AGK: variants seen among roughly 807,000 people sequenced by gnomAD.
The protein encoded by AGK is acylglycerol kinase, mitochondrial.
In AGK, 52 loss-of-function variants were observed where a neutral mutation model predicts 66.4. The ratio of observed to expected loss-of-function variants is 0.78; its 90% CI spans 0.63 to 0.99. The LOEUF (loss-of-function observed/expected upper bound fraction) is 0.99. AGK is among the 50% of genes least tolerant of loss of function. The probability of loss-of-function intolerance (pLI) is 0.00; values close to 1 mark genes in which losing one functional copy is unlikely to be tolerated. For missense variants in AGK, 451 were observed against 506.6 expected, an observed-to-expected ratio of 0.89 and a Z score of 1.05; for synonymous variants, 182 against 181.1, an observed-to-expected ratio of 1.00 and a Z score of -0.04.
At chr7:141,629,437 G>GC (rs1028594826) in intron 9 of AGK, among the ~76,000 whole-genome samples, 78 of 152,138 alleles carry the variant, frequency 5.1e-4, no homozygotes, top group African/African-American at 1.7e-3. Flanking sequence ...AAATTTGACT[G>GC]CCTACCCAGA....
intron 2 of AGK, among the ~76,000 whole-genome samples, chr7:141,560,403 TTTC>T (rs200173615): frequency 0.011 from 1,631 of 152,122 alleles, 23 homozygotes; most frequent in African/African-American, 0.037. Context: ...TTGTCCTTTC[TTTC>T]TTCTTCTTCT....
chr7:141,652,950 C>A lies in AGK; in HGVS notation c.*26C>A. 6.2e-7 allele frequency: 1 copy of A among 1,612,924 alleles called. No homozygotes were observed. The highest frequency in any genetic ancestry group is 8.5e-7 in the Non-Finnish European group (1 of 1,179,634). ...GCAGCAGAAGACAAGCACTCTGAGA[C>A]CACACTTTAGGCCACCGGTGGGACC... On this transcript the variant is annotated 3_prime_UTR_variant, in exon 16 of 16. Coordinates refer to ENST00000649286, the MANE Select transcript of AGK (RefSeq NM_018238.4).
rs116210375 is a variant in AGK at position 141,558,500 on chromosome 7, G to A, written c.101+2933G>A. Among the ~76,000 whole-genome samples, 1,350 of 152,164 alleles carry A rather than the reference G, an allele frequency of 8.9e-3. 21 individuals are homozygous for A. Among genetic ancestry groups the A allele is most frequent in the African/African-American group, 0.031 (1,284 of 41,508 alleles). ...CTAAATGTAAAGATATATTCTTTAC[G>A]TTTAAAGAGGTATGGTCTTTACATC... On this transcript the variant is annotated intron_variant, in intron 2 of 15. Coordinates refer to ENST00000649286, the MANE Select transcript of AGK (RefSeq NM_018238.4).
chr7:141,649,151 G>A (rs1797489563), intron 13 of AGK, 112 bp from the exon 14 acceptor site: 1 of 527,084 alleles, frequency 1.9e-6, no homozygotes, highest in Admixed American at 3.3e-5. Context: ...TACAAGTAGA[G>A]TCCCCTATCT....
At chr7:141,611,054 A>T (rs1796575586) in intron 5 of AGK, 141 bp from the exon 6 acceptor site, 1 of 537,834 alleles carries the variant, frequency 1.9e-6, no homozygotes, top group Admixed American at 3.5e-5. Context: ...TTTGATAGCT[A>T]TTTTTTTCAT....
chr7:141,637,851 A>T (rs1301337380), intron 11 of AGK, among the ~76,000 whole-genome samples: 1 of 152,178 alleles, frequency 6.6e-6, no homozygotes, highest in African/African-American at 2.4e-5. Context: ...TGGCTGGATT[A>T]AAAAATTAAA....
intron 2 of AGK, among the ~76,000 whole-genome samples, chr7:141,582,199 C>T (rs989290480): frequency 1.3e-5 from 2 of 151,962 alleles, no homozygotes; most frequent in Non-Finnish European, 2.9e-5. Flanking sequence ...AGGAGGAATC[C>T]CGGGCTGCGG....
intron 2 of AGK, among the ~76,000 whole-genome samples, chr7:141,566,816 C>G (rs1188713679): frequency 6.6e-6 from 1 of 152,138 alleles, no homozygotes; most frequent in Non-Finnish European, 1.5e-5. Context: ...TTCAGTTTCT[C>G]TCTCCCCTAT....
Position 141,555,438 on chromosome 7 carries a change from C to A in AGK, c.-14-15C>A. On this transcript the variant is annotated splice_polypyrimidine_tract_variant and intron_variant, in intron 1 of 15. Coordinates refer to ENST00000649286, the MANE Select transcript of AGK (RefSeq NM_018238.4). The surrounding 1 kb of genome is among the most constrained non-coding windows in gnomAD (Gnocchi z 4.2). ...TAAATTATATTTTTTTCTCTTTCCG[C>A]CTCTACTAACCTAGCAAATCTCTAG... The A allele has an allele frequency of 1.9e-6, 3 of 1,557,816 alleles. No individual in the cohort carries two copies. Among genetic ancestry groups the A allele is most frequent in the South Asian group, 2.3e-5 (2 of 88,844 alleles).
intron 15 of AGK, chr7:141,652,364 G>A (rs1348566018): frequency 6.4e-6 from 1 of 156,426 alleles, no homozygotes; most frequent in Admixed American, 6.2e-5. Context: ...AAATGATCCA[G>A]CAGATACAAT....
rs1011070432 is a variant in AGK, at chr7:141,604,460, A to AGAAATAAT, written c.297+3182_297+3189dup. ...TCTGGCTTGTTTGAGAGTAAGTTTC[A>AGAAATAAT]GAAATAATGTTCCTTTATCTCTAAA... On this transcript the variant is annotated intron_variant, in intron 5 of 15. Transcript: ENST00000649286. 3.4e-5 allele frequency among the ~76,000 whole-genome samples: 5 copies of AGAAATAAT among 149,226 alleles called. No homozygotes were observed. In the Admixed American group the frequency reaches 3.4e-4, roughly 10 times the overall value.
chr7:141,575,731 T>C (rs1795722878), intron 2 of AGK, among the ~76,000 whole-genome samples: 1 of 120,296 alleles, frequency 8.3e-6, no homozygotes, highest in Non-Finnish European at 1.6e-5. Context: ...AAAATAAAAA[T>C]AATTATAGTA....
At chr7:141,632,315 C>G (rs926564790) in intron 9 of AGK, among the ~76,000 whole-genome samples, 1 of 151,806 alleles carries the variant, frequency 6.6e-6, no homozygotes, top group African/African-American at 2.4e-5. Flanking sequence ...TCATCCCACT[C>G]TCTCTGCTTT....
chr7:141,623,389 A>AAAGAAAAAAAAAAG, intron 9 of AGK, among the ~76,000 whole-genome samples: 6 of 150,732 alleles, frequency 4.0e-5, no homozygotes, highest in African/African-American at 1.5e-4. Flanking sequence ...CAAAAAAAAA[A>AAAGAAAAAAAAAAG]AAAGAAAAAA....
chr7:141,576,908 C>G (rs554364893), intron 2 of AGK, among the ~76,000 whole-genome samples: 3 of 151,926 alleles, frequency 2.0e-5, no homozygotes, highest in African/African-American at 7.2e-5. Flanking sequence ...GGTGTGGTGG[C>G]GGGCACCTGT....
chr7:141,652,958 T>TAG lies in AGK; in HGVS notation c.*35_*36dup, dbSNP rs760596860. ...AGACAAGCACTCTGAGACCACACTT[T>TAG]AGGCCACCGGTGGGACCAAAAGGGA... On this transcript the variant is annotated 3_prime_UTR_variant, in exon 16 of 16. Coordinates refer to ENST00000649286, the MANE Select transcript of AGK (RefSeq NM_018238.4). The TAG allele has an allele frequency of 7.4e-6, 12 of 1,612,032 alleles. No individual in the cohort carries two copies. Among genetic ancestry groups the TAG allele is most frequent in the Non-Finnish European group, 1.0e-5 (12 of 1,179,362 alleles).
At chr7:141,640,275 C>A (rs960881945) in intron 11 of AGK, among the ~76,000 whole-genome samples, 1 of 152,014 alleles carries the variant, frequency 6.6e-6, no homozygotes, top group Non-Finnish European at 1.5e-5. Flanking sequence ...GCAGAGACCA[C>A]CACAAGAAGC....
At chr7:141,552,364 T>C (rs1181061705) in intron 1 of AGK, among the ~76,000 whole-genome samples, 2 of 152,208 alleles carry the variant, frequency 1.3e-5, no homozygotes, top group African/African-American at 4.8e-5. Flanking sequence ...TCTTTTCTAA[T>C]CCCACCTGGT....
rs764694989 is a variant in AGK, at chr7:141,650,522, T to G, written c.1047-1003T>G. The G allele has an allele frequency of 1.9e-5, 19 of 985,332 alleles. No individual in the cohort carries two copies. In the African/African-American group the frequency reaches 3.1e-4, roughly 16 times the overall value. The allele number at this position is 985,332 out of a possible 1,614,324, so 61.0% of individuals were successfully genotyped here. On this transcript the variant is annotated intron_variant, in intron 14 of 15. Coordinates refer to ENST00000649286, the MANE Select transcript of AGK (RefSeq NM_018238.4). ...TTCCTCTGGATATCTGAAGAGAACA[T>G]AGTGAAGCTGCGTTAGAAAACTCTG...
Sources: gnomAD v4.1 joint callset for allele counts (sites outside exome capture counted in the v4.1 genomes callset) on GRCh38, gnomAD v4.1.1 for gene constraint, Gnocchi (gnomAD v3.1) non-coding constraint, MANE v1.5 for transcripts, NCBI Gene and HGNC (gene_info 2026-07-23, HGNC 2026-07-21) for gene names.